Variants in GALNTL6 observed in about 807,000 individuals in gnomAD.
GALNTL6 encodes polypeptide N-acetylgalactosaminyltransferase like 6, also known as polypeptide N-acetylgalactosaminyltransferase-like 6.
A neutral mutation model predicts 73.7 loss-of-function variants in GALNTL6; 46 were observed. The observed-to-expected ratio is 0.62, with a 90% CI of 0.49 to 0.80. GALNTL6 has a LOEUF of 0.80. GALNTL6 is among the 30% of genes least tolerant of loss of function. GALNTL6 has a pLI of 0.00. For synonymous variants in GALNTL6, 259 were observed against 263.7 expected (o/e 0.98, Z 0.17); for missense variants, 604 against 755.0 (o/e 0.80, Z 2.34).
chr4:172,424,506 A>G (rs1245130225), intron 5 of GALNTL6, among the ~76,000 whole-genome samples: 1 of 152,152 alleles, frequency 6.6e-6, no homozygotes, highest in African/African-American at 2.4e-5. Flanking sequence ...TATAAAAAAT[A>G]AATTAAAACT....
At chr4:172,128,667 T>G (rs1448970697) in intron 2 of GALNTL6, among the ~76,000 whole-genome samples, 1 of 152,222 alleles carries the variant, frequency 6.6e-6, no homozygotes, top group Non-Finnish European at 1.5e-5. Flanking sequence ...GTTAAATTTC[T>G]AAATATTTAC....
In GALNTL6 at chr4:172,097,380, C is replaced by G. The variant is rs78013400; in HGVS notation, c.139-132276C>G. ...CAGGATGCAACCAGAAATCCTTCCC[C>G]GCTATGCCCTTGGCAACTGAGGTTG... On this transcript the variant is annotated intron_variant, in intron 2 of 12. Coordinates refer to ENST00000506823, the MANE Select transcript of GALNTL6 (RefSeq NM_001034845.3). Among the ~76,000 whole-genome samples the G allele has an allele frequency of 7.4e-4, 112 of 152,236 alleles. No homozygotes were observed. The East Asian group carries it at 0.019, about 25-fold the overall frequency.
At chr4:171,924,339 A>G (rs1455058657) in intron 2 of GALNTL6, among the ~76,000 whole-genome samples, 1 of 152,106 alleles carries the variant, frequency 6.6e-6, no homozygotes, top group Non-Finnish European at 1.5e-5. Flanking sequence ...GGAGCATGAG[A>G]GATTTGCTAA....
intron 2 of GALNTL6, among the ~76,000 whole-genome samples, chr4:171,823,982 A>T (rs1734754353): frequency 6.7e-6 from 1 of 150,154 alleles, no homozygotes; most frequent in South Asian, 2.1e-4. Context: ...ATAAAAGTCC[A>T]CATATTAATA....
chr4:172,925,856 AAAC>A (rs1056470082), intron 8 of GALNTL6, among the ~76,000 whole-genome samples: 1 of 152,200 alleles, frequency 6.6e-6, no homozygotes, highest in Admixed American at 6.5e-5. Context: ...ATGTTGTTTT[AAAC>A]AACTAAGTAT....
At chr4:172,218,440 T>C (rs1431464619) in intron 2 of GALNTL6, among the ~76,000 whole-genome samples, 1 of 152,114 alleles carries the variant, frequency 6.6e-6, no homozygotes, top group Non-Finnish European at 1.5e-5. Flanking sequence ...TCCCTAAGAC[T>C]ATTGCTCCAG....
intron 12 of GALNTL6, among the ~76,000 whole-genome samples, chr4:173,024,692 T>G (rs1002106677): frequency 3.9e-5 from 6 of 152,214 alleles, no homozygotes; most frequent in African/African-American, 7.2e-5. Flanking sequence ...GCGATTCTCC[T>G]GCCTCAGCCT....
At chr4:172,690,081 T>G (rs1008452227) in intron 5 of GALNTL6, among the ~76,000 whole-genome samples, 1 of 152,166 alleles carries the variant, frequency 6.6e-6, no homozygotes, top group African/African-American at 2.4e-5. Context: ...ACAGTGATTT[T>G]CTTGTCATGA....
intron 2 of GALNTL6, among the ~76,000 whole-genome samples, chr4:171,837,636 A>C (rs1235897229): frequency 6.8e-6 from 1 of 147,208 alleles, no homozygotes; most frequent in Non-Finnish European, 1.5e-5. Flanking sequence ...ATATATTTAT[A>C]TAATATATTA....
chr4:172,253,402 T>C (rs1737949766), intron 3 of GALNTL6, among the ~76,000 whole-genome samples: 1 of 151,914 alleles, frequency 6.6e-6, no homozygotes, highest in Non-Finnish European at 1.5e-5. Context: ...GTCGTAAGAA[T>C]GTCATGACTG....
intron 10 of GALNTL6, among the ~76,000 whole-genome samples, chr4:172,976,614 C>A (rs758345496): frequency 2.0e-5 from 3 of 152,170 alleles, no homozygotes; most frequent in Non-Finnish European, 4.4e-5. Flanking sequence ...AGAATGCACA[C>A]TTTATAACAT....
chr4:171,836,054 G>A (rs1004667539), intron 2 of GALNTL6, among the ~76,000 whole-genome samples: 3 of 140,386 alleles, frequency 2.1e-5, no homozygotes, highest in African/African-American at 7.8e-5. Flanking sequence ...TAGCCATACA[G>A]CATCATAAAA....
Position 171,853,491 on chromosome 4 carries a change from AT to A in GALNTL6, c.138+38782del, listed in dbSNP as rs55829492. 9.8e-4 allele frequency among the ~76,000 whole-genome samples: 92 copies of A among 93,666 alleles called. 1 individual carries two copies. Among genetic ancestry groups the A allele is most frequent in the South Asian group, 6.4e-3 (20 of 3,146 alleles). The allele number at this position is 93,666 out of a possible 152,430, so 61.4% of individuals were successfully genotyped here. On this transcript the variant is annotated intron_variant, in intron 2 of 12. Coordinates refer to ENST00000506823, the MANE Select transcript of GALNTL6 (RefSeq NM_001034845.3). ...TTCTTTTTTTTCTGTTCTTTCTTAC[AT>A]TTTTTTTTGTTTTCTTCTTTTCCTT...
Position 172,779,633 on chromosome 4 carries a change from C to A in GALNTL6, c.554-29728C>A, listed in dbSNP as rs142761094. On this transcript the variant is annotated intron_variant, in intron 5 of 12. Coordinates refer to ENST00000506823, the MANE Select transcript of GALNTL6 (RefSeq NM_001034845.3). ...CTTTGTTTCCATCACTGAAGAAAAG[C>A]AAGTGTCTTTTTAGGGGAATGGTTA... 3.0e-3 allele frequency among the ~76,000 whole-genome samples: 457 copies of A among 152,244 alleles called. 5 individuals carry two copies. Among genetic ancestry groups the A allele is most frequent in the African/African-American group, 0.011 (444 of 41,556 alleles).
At position 172,774,354 on chromosome 4, in the gene GALNTL6, TG is replaced by T. The variant is rs1184960798; in HGVS notation, c.554-35001del. 3.9e-5 allele frequency among the ~76,000 whole-genome samples: 6 copies of T among 152,242 alleles called. No individual in the cohort carries two copies. The South Asian group carries it at 1.0e-3, about 26-fold the overall frequency. On this transcript the variant is annotated intron_variant, in intron 5 of 12. Coordinates refer to ENST00000506823, the MANE Select transcript of GALNTL6 (RefSeq NM_001034845.3). ...AGCCACTTAATACTATCCCTTTGAT[TG>T]GGGGGTGCAAAAATGATTTGGGGTT...
At chr4:172,679,391 A>G (rs1224876626) in intron 5 of GALNTL6, among the ~76,000 whole-genome samples, 1 of 151,582 alleles carries the variant, frequency 6.6e-6, no homozygotes, top group Non-Finnish European at 1.5e-5. Flanking sequence ...AGCCTGGGCA[A>G]TAAGAGAGAA....
At chr4:172,515,372 A>G (rs781394051) in intron 5 of GALNTL6, among the ~76,000 whole-genome samples, 14 of 152,172 alleles carry the variant, frequency 9.2e-5, no homozygotes, top group Non-Finnish European at 2.1e-4. Flanking sequence ...CCACCAGCCC[A>G]CTGAGCAGAG....
intron 2 of GALNTL6, among the ~76,000 whole-genome samples, chr4:171,975,631 G>C (rs1386062842): frequency 6.6e-6 from 1 of 152,038 alleles, no homozygotes; most frequent in Non-Finnish European, 1.5e-5. Context: ...TGGACAAAAG[G>C]GCAAGGGCTA....
intron 5 of GALNTL6, among the ~76,000 whole-genome samples, chr4:172,393,525 C>T (rs932653931): frequency 1.3e-5 from 2 of 152,170 alleles, no homozygotes; most frequent in African/African-American, 4.8e-5. Context: ...TCATTAATGA[C>T]ACATTAAATG....
Sources: gnomAD v4.1 joint callset for allele counts (sites outside exome capture counted in the v4.1 genomes callset) on GRCh38, gnomAD v4.1.1 for gene constraint, MANE v1.5 for transcripts, NCBI Gene and HGNC (gene_info 2026-07-23, HGNC 2026-07-21) for gene names.